The following MEGF10 variants were observed in gnomAD, a reference collection of about 807,000 sequenced individuals.
The protein encoded by MEGF10 is multiple EGF like domains 10, also known as multiple epidermal growth factor-like domains protein 10.
A neutral mutation model predicts 147.5 loss-of-function variants in MEGF10; 86 were observed. The ratio of observed to expected loss-of-function variants is 0.58; its 90% CI spans 0.49 to 0.70. The LOEUF (loss-of-function observed/expected upper bound fraction) is 0.70, where lower values mean the gene tolerates loss of function less well. Among genes scored for constraint, MEGF10 ranks in the 30% least tolerant of loss-of-function variants. The pLI is 0.00. For missense variants in MEGF10, 1,329 were observed against 1,487.3 expected (o/e 0.89, Z 1.75); for synonymous variants, 478 against 525.5 (o/e 0.91, Z 1.24).
intron 5 of MEGF10, among the ~76,000 whole-genome samples, chr5:127,389,278 C>A (rs867388279): frequency 3.3e-5 from 5 of 152,296 alleles, no homozygotes; most frequent in Middle Eastern, 3.4e-3. Context: ...CAAAAAATAA[C>A]AGATGCTGGC....
In MEGF10 at chr5:127,348,508, C is replaced by T. The variant is rs555037489; in HGVS notation, c.319+7878C>T. ...CCAGGTCACCCAAATATGCTAACTA[C>T]TATTCAGTATTTGTTAAACGTGAAG... On this transcript the variant is annotated intron_variant, in intron 4 of 24. Coordinates refer to ENST00000503335, the MANE Select transcript of MEGF10 (RefSeq NM_001256545.2). Among the ~76,000 whole-genome samples the T allele has an allele frequency of 2.4e-4, 37 of 152,204 alleles. 1 individual carries two copies. Among genetic ancestry groups the T allele is most frequent in the Admixed American group, 1.5e-3 (23 of 15,268 alleles).
At position 127,372,917 on chromosome 5, in the gene MEGF10, C is replaced by T. The variant is rs1214161637; in HGVS notation, c.412+2915C>T. Among the ~76,000 whole-genome samples, 8 of 152,130 alleles carry T rather than the reference C, an allele frequency of 5.3e-5. No homozygotes were observed. In the East Asian group the frequency reaches 7.7e-4, roughly 15 times the overall value. On this transcript the variant is annotated intron_variant, in intron 5 of 24. Coordinates refer to ENST00000503335, the MANE Select transcript of MEGF10 (RefSeq NM_001256545.2). Reference sequence around the variant, plus strand: ...TGCAGAAGCAAGTCACTAAGACTATCGAGCCTTCAGGGATGAAGGGCAGGA... The same window carrying T: ...TGCAGAAGCAAGTCACTAAGACTATTGAGCCTTCAGGGATGAAGGGCAGGA...
chr5:127,408,156 A>G lies in MEGF10; in HGVS notation c.918-2233A>G, dbSNP rs375177203. ...TGCCAAGATATGATAAAATATACAC[A>G]CTGGTTCCCTGTAATTTGGTAACAG... On this transcript the variant is annotated intron_variant, in intron 8 of 24. Coordinates refer to ENST00000503335, the MANE Select transcript of MEGF10 (RefSeq NM_001256545.2). Among the ~76,000 whole-genome samples, 8 of 152,212 alleles carry G rather than the reference A, an allele frequency of 5.3e-5. No homozygotes were observed. The East Asian group carries it at 7.7e-4, about 15-fold the overall frequency.
intron 1 of MEGF10, among the ~76,000 whole-genome samples, chr5:127,326,160 C>T (rs2045980132): frequency 6.6e-6 from 1 of 151,892 alleles, no homozygotes; most frequent in Non-Finnish European, 1.5e-5. Context: ...AGTCATCCTC[C>T]TACCTCGGCT....
At chr5:127,336,042 G>C (rs1321648534) in intron 2 of MEGF10, among the ~76,000 whole-genome samples, 2 of 110,830 alleles carry the variant, frequency 1.8e-5, no homozygotes, top group Non-Finnish European at 2.0e-5. Flanking sequence ...TAATTAGGCA[G>C]GTAATTATCA....
chr5:127,441,404 C>T (rs181875663), intron 18 of MEGF10, among the ~76,000 whole-genome samples: 1 of 152,346 alleles, frequency 6.6e-6, no homozygotes, highest in East Asian at 1.9e-4. Context: ...AACAACCTTC[C>T]AGACAACATA....
chr5:127,418,052 G>A (rs1764845768), intron 10 of MEGF10, among the ~76,000 whole-genome samples: 1 of 146,648 alleles, frequency 6.8e-6, no homozygotes, highest in African/African-American at 2.4e-5. Context: ...ATAAACACAT[G>A]TCAGAAAGCA....
At chr5:127,344,741 T>C (rs986958790) in intron 4 of MEGF10, among the ~76,000 whole-genome samples, 2 of 152,234 alleles carry the variant, frequency 1.3e-5, no homozygotes, top group African/African-American at 4.8e-5. Flanking sequence ...AAAATCTCTT[T>C]TCTTTTGAAA....
Position 127,419,181 on chromosome 5 carries a change from G to A in MEGF10, c.1367G>A (p.Cys456Tyr), listed in dbSNP as rs758784352. The A allele has an allele frequency of 6.2e-7, 1 of 1,614,180 alleles. No individual in the cohort carries two copies. Among genetic ancestry groups the A allele is most frequent in the East Asian group, 2.2e-5 (1 of 44,886 alleles). Residue 456 changes from cysteine (C) to tyrosine (Y), a missense_variant, in exon 11 of 25, where the codon TGT (cysteine) becomes TAT (tyrosine). Physicochemically the swap from Cys to Tyr is radical, Grantham distance 194 (BLOSUM62 -2). This residue lies in a region of MEGF10 where 980 missense variants were observed against 1,085.9 expected (regional missense o/e 0.90). Coordinates refer to ENST00000503335, the MANE Select transcript of MEGF10 (RefSeq NM_001256545.2). ...TATGGGATAAACTGTTCCTCTCGCT[G>A]TGGCTGTAAAAATGATGCAGTCTGC... ...GTYGINCSSR[C>Y]GCKNDAVCSP...
intron 1 of MEGF10, among the ~76,000 whole-genome samples, chr5:127,316,290 C>G (rs192993949): frequency 0.048 from 7,244 of 152,126 alleles, 245 homozygotes; most frequent in African/African-American, 0.081. Context: ...ACCATGCCTG[C>G]AAGAATCATC....
chr5:127,309,052 G>T (rs1244324575), intron 1 of MEGF10, among the ~76,000 whole-genome samples: 1 of 152,114 alleles, frequency 6.6e-6, no homozygotes, highest in East Asian at 1.9e-4. Context: ...GCTGACACAG[G>T]ATCACACTGT....
intron 4 of MEGF10, among the ~76,000 whole-genome samples, chr5:127,352,652 G>T (rs950573317): frequency 1.3e-5 from 2 of 151,960 alleles, no homozygotes; most frequent in Non-Finnish European, 2.9e-5. Context: ...GGGCGACAGA[G>T]TGAGACTGTC....
At chr5:127,349,250 A>G (rs1165593312) in intron 4 of MEGF10, among the ~76,000 whole-genome samples, 1 of 152,170 alleles carries the variant, frequency 6.6e-6, no homozygotes, top group Non-Finnish European at 1.5e-5. Context: ...AAAGATAGTT[A>G]CCTTCTAAGC....
At chr5:127,353,695 G>A (rs983426762) in intron 4 of MEGF10, among the ~76,000 whole-genome samples, 1 of 152,230 alleles carries the variant, frequency 6.6e-6, no homozygotes, top group Non-Finnish European at 1.5e-5. Flanking sequence ...TGCTGTAAAG[G>A]AAGGGACTGT....
chr5:127,247,368 G>C, the MEGF10 span, among the ~76,000 whole-genome samples: 19 of 5,268 alleles, frequency 3.6e-3, 1 homozygote, highest in African/African-American at 8.5e-3. Flanking sequence ...AGAAGAAGAA[G>C]AAGAAGAAGA....
intron 21 of MEGF10, among the ~76,000 whole-genome samples, chr5:127,448,630 C>T (rs763758490): frequency 1.3e-5 from 2 of 152,138 alleles, no homozygotes; most frequent in Non-Finnish European, 2.9e-5. Context: ...CCACATACCC[C>T]AGAGACTTTC....
Position 127,456,018 on chromosome 5 carries a change from A to C in MEGF10, c.3232+411A>C, listed in dbSNP as rs1766351644. ...GTGCCAAAGGAATTTTCCAGGGAAA[A>C]TATTATTTAGAAAAATTTAAGGTAA... On this transcript the variant is annotated intron_variant, in intron 24 of 24. Transcript: ENST00000503335. Among the ~76,000 whole-genome samples, 5 of 152,312 alleles carry C rather than the reference A, an allele frequency of 3.3e-5. No homozygotes were observed. In the South Asian group the frequency reaches 1.0e-3, roughly 32 times the overall value.
At chr5:127,252,157 C>A in the MEGF10 span, among the ~76,000 whole-genome samples, 4 of 151,610 alleles carry the variant, frequency 2.6e-5, no homozygotes, top group African/African-American at 7.3e-5. Context: ...CACAATGATA[C>A]CTTATTGGTA....
At chr5:127,395,438 T>G (rs1763867985) in intron 5 of MEGF10, among the ~76,000 whole-genome samples, 1 of 151,972 alleles carries the variant, frequency 6.6e-6, no homozygotes, top group African/African-American at 2.4e-5. Context: ...ATTTTTTAAA[T>G]ATGTCAATAT....
Sources: allele counts gnomAD v4.1 joint callset (sites outside exome capture counted in the v4.1 genomes callset), GRCh38; gene constraint gnomAD v4.1.1; regional missense constraint gnomAD v4.1.1; transcripts MANE v1.5; gene names NCBI Gene and HGNC (gene_info 2026-07-23, HGNC 2026-07-21).